STAM: variants seen among roughly 807,000 people sequenced by gnomAD.
STAM encodes the protein signal transducing adaptor molecule, also known as signal transducing adapter molecule 1.
Under a neutral mutation model 63.4 loss-of-function variants are expected in STAM, and 16 were observed. That is an observed-to-expected ratio of 0.25 (90% CI 0.17 to 0.38). The LOEUF (loss-of-function observed/expected upper bound fraction) is 0.38. Ranked by LOEUF, STAM falls within the 10% of genes least tolerant of loss-of-function variation. The pLI is 1.00. For synonymous variants in STAM, 238 were observed against 223.9 expected (o/e 1.06, Z -0.56); for missense variants, 636 against 657.1 (o/e 0.97, Z 0.35).
chr10:17,689,658 A>G, intron 5 of STAM, among the ~76,000 whole-genome samples: 1 of 152,314 alleles, frequency 6.6e-6, no homozygotes, highest in South Asian at 2.1e-4. Context: ...AACAATGTTT[A>G]TTTATCAAAG....
At chr10:17,680,865 C>T (rs142076577) in intron 2 of STAM, among the ~76,000 whole-genome samples, 268 of 152,266 alleles carry the variant, frequency 1.8e-3, no homozygotes, top group African/African-American at 6.0e-3. Context: ...TCCATTTATG[C>T]GTCTGTGGAC....
chr10:17,687,846 T>C (rs1589079145), intron 4 of STAM, among the ~76,000 whole-genome samples, 181 bp from the exon 5 acceptor site: 1 of 152,256 alleles, frequency 6.6e-6, no homozygotes, highest in Non-Finnish European at 1.5e-5. Flanking sequence ...GAGATATATA[T>C]GATGGGTTTT....
chr10:17,675,579 G>A (rs72782503), intron 2 of STAM, among the ~76,000 whole-genome samples: 2,277 of 151,876 alleles, frequency 0.015, 18 homozygotes, highest in Non-Finnish European at 0.023. Flanking sequence ...TATAAAGTTT[G>A]GACAACTATG....
intron 4 of STAM, among the ~76,000 whole-genome samples, chr10:17,686,378 C>CTTTTT (rs782424712): frequency 1.4e-5 from 2 of 138,070 alleles, no homozygotes. Flanking sequence ...AACATCCCGC[C>CTTTTT]TTTTTTTTTT....
chr10:17,687,900 C>G lies in STAM; in HGVS notation c.298-127C>G. On this transcript the variant is annotated intron_variant, in intron 4 of 13. Transcript: ENST00000377524. ...GTTTTATTTCGAATAACTATATTTT[C>G]TTGTCTATAGCTATGCATAACTTGT... 3 of 659,172 alleles carry G rather than the reference C, an allele frequency of 4.6e-6. No homozygotes were observed. The East Asian group carries it at 9.8e-5, about 21-fold the overall frequency. The allele number at this position is 659,172 out of a possible 1,614,324, so 40.8% of individuals were successfully genotyped here. A position where few individuals can be genotyped will look rare whatever the true frequency, so the allele number is the denominator to read the frequency against.
chr10:17,702,794 G>A (rs1278502220), intron 9 of STAM, among the ~76,000 whole-genome samples: 1 of 152,094 alleles, frequency 6.6e-6, no homozygotes, highest in Non-Finnish European at 1.5e-5. Context: ...CAGATCACGA[G>A]GTCAGGACAT....
At chr10:17,656,655 T>G (rs1346161334) in intron 1 of STAM, among the ~76,000 whole-genome samples, 1 of 152,204 alleles carries the variant, frequency 6.6e-6, no homozygotes, top group Non-Finnish European at 1.5e-5. Flanking sequence ...TGGATTCAGT[T>G]TGCTGATGTT....
chr10:17,704,380 A>C (rs1554828908), intron 9 of STAM, 51 bp from the exon 10 acceptor site: 1 of 1,470,702 alleles, frequency 6.8e-7, no homozygotes, highest in Admixed American at 1.8e-5. Context: ...TGAAAACATA[A>C]AGTTGCCTAA....
At chr10:17,645,023 G>T (rs893562002) in intron 1 of STAM, among the ~76,000 whole-genome samples, 5 of 152,206 alleles carry the variant, frequency 3.3e-5, no homozygotes, top group African/African-American at 1.2e-4. Flanking sequence ...AGAAGTTGTT[G>T]AATCTGGAAA....
rs201425906 is a variant in STAM at position 17,681,197 on chromosome 10, CT to C, written c.126-3460del. 5.1e-3 allele frequency among the ~76,000 whole-genome samples: 629 copies of C among 123,634 alleles called. 5 individuals are homozygous for C. The highest frequency in any genetic ancestry group is 0.014 in the Middle Eastern group (3 of 216). The allele number at this position is 123,634 out of a possible 152,430, so 81.1% of individuals were successfully genotyped here. On this transcript the variant is annotated intron_variant, in intron 2 of 13. Transcript: ENST00000377524. ...GGGTGTGAGGTGGTATTGAGATCGT[CT>C]TTTTTTTTTTTTTTTTTAATGTAGG... is the stretch of plus-strand genomic sequence containing the variant.
chr10:17,693,411 T>A, intron 6 of STAM, 99 bp downstream of exon 6: 2 of 969,108 alleles, frequency 2.1e-6, no homozygotes, highest in Non-Finnish European at 3.0e-6. Context: ...AGCAAAAAGC[T>A]GAAATCTGCT....
rs192320206 is a variant in STAM at position 17,713,668 on chromosome 10, A to T, written c.1386-875A>T. 2.6e-5 allele frequency among the ~76,000 whole-genome samples: 4 copies of T among 152,118 alleles called. No homozygotes were observed. The East Asian group carries it at 5.8e-4, about 22-fold the overall frequency. ...TTTGAAGGCATTATCTTCAAAATCT[A>T]TCTAGACTCTGACCCTTTCTCCCAT... is the stretch of plus-strand genomic sequence containing the variant. On this transcript the variant is annotated intron_variant, in intron 13 of 13. Transcript: ENST00000377524.
At chr10:17,692,202 C>G (rs1226632286) in intron 5 of STAM, among the ~76,000 whole-genome samples, 1 of 152,122 alleles carries the variant, frequency 6.6e-6, no homozygotes, top group African/African-American at 2.4e-5. Flanking sequence ...GATTTGAACT[C>G]ATGTCTGTCT....
chr10:17,705,109 T>A (rs1275896823), intron 11 of STAM, 85 bp downstream of exon 11: 73 of 1,024,674 alleles, frequency 7.1e-5, no homozygotes, highest in East Asian at 2.6e-4. Flanking sequence ...AACTGCCTTT[T>A]AAAAAAAAAA....
At chr10:17,651,546 C>T (rs928702324) in intron 1 of STAM, among the ~76,000 whole-genome samples, 2 of 152,108 alleles carry the variant, frequency 1.3e-5, no homozygotes, top group African/African-American at 4.8e-5. Context: ...ATTCTTCTGT[C>T]CCTATTTTAC....
intron 2 of STAM, among the ~76,000 whole-genome samples, chr10:17,678,519 G>A (rs1589061686): frequency 6.6e-6 from 1 of 152,160 alleles, no homozygotes; most frequent in African/African-American, 2.4e-5. Flanking sequence ...CTCCCAAAGT[G>A]CTGGGATTAT....
intron 5 of STAM, among the ~76,000 whole-genome samples, chr10:17,688,605 T>G (rs1835398439): frequency 6.6e-6 from 1 of 151,718 alleles, no homozygotes; most frequent in Admixed American, 6.6e-5. Flanking sequence ...TGGGACTACA[T>G]GCACGTGCAG....
chr10:17,667,440 A>C (rs1834440311), intron 2 of STAM, among the ~76,000 whole-genome samples: 1 of 152,092 alleles, frequency 6.6e-6, no homozygotes, highest in African/African-American at 2.4e-5. Flanking sequence ...TTTTTTTTTA[A>C]AACGTGATCT....
At chr10:17,683,912 A>C in intron 2 of STAM, among the ~76,000 whole-genome samples, 1 of 152,008 alleles carries the variant, frequency 6.6e-6, no homozygotes, top group East Asian at 1.9e-4. Context: ...GGAGTATTGG[A>C]CTTTATTTTT....
Sources: allele counts gnomAD v4.1 joint callset (sites outside exome capture counted in the v4.1 genomes callset), GRCh38; gene constraint gnomAD v4.1.1; transcripts MANE v1.5; gene names NCBI Gene and HGNC (gene_info 2026-07-23, HGNC 2026-07-21).